RB1: variants seen among roughly 807,000 people sequenced by gnomAD.
The protein encoded by RB1 is RB transcriptional corepressor 1.
Under a neutral mutation model 135.4 loss-of-function variants are expected in RB1, and 18 were observed. That is an observed-to-expected ratio of 0.13 (90% CI 0.09 to 0.20). The LOEUF (loss-of-function observed/expected upper bound fraction) is 0.20. Ranked by LOEUF, RB1 falls within the 10% of genes least tolerant of loss-of-function variation. RB1 has a pLI of 1.00. For synonymous variants in RB1, 365 were observed against 373.2 expected (o/e 0.98, Z 0.25); for missense variants, 868 against 1,110.0 (o/e 0.78, Z 3.10).
intron 4 of RB1, 115 bp downstream of exon 4, chr13:48,345,314 C>G (rs1263428979): frequency 2.5e-6 from 3 of 1,222,876 alleles, no homozygotes; most frequent in Non-Finnish European, 3.5e-6. Flanking sequence ...AATTCTTAGA[C>G]TTGTCCCTTT....
At chr13:48,477,997 G>A (rs150697770) in intron 26 of RB1, among the ~76,000 whole-genome samples, 158 of 152,322 alleles carry the variant, frequency 1.0e-3, no homozygotes, top group African/African-American at 3.6e-3. Context: ...TCCAAGGATA[G>A]TAGATGGAAA....
intron 23 of RB1, among the ~76,000 whole-genome samples, chr13:48,471,379 G>A (rs1489319926): frequency 1.3e-5 from 1 of 78,886 alleles, no homozygotes; most frequent in African/African-American, 4.6e-5. Flanking sequence ...ATGGACACAG[G>A]AAGGGGAATA....
At chr13:48,320,291 C>G in intron 2 of RB1, 1 of 1,226,130 alleles carries the variant, frequency 8.2e-7, no homozygotes, top group Non-Finnish European at 1.2e-6. Context: ...TCGGTGGTGC[C>G]CCGAGCAACC....
intron 17 of RB1, among the ~76,000 whole-genome samples, chr13:48,440,029 G>T (rs1949221724): frequency 1.3e-5 from 2 of 152,046 alleles, no homozygotes; most frequent in Non-Finnish European, 1.5e-5. Flanking sequence ...CAGGAATAGG[G>T]TAGGAAGGAG....
rs180742027 is a variant in RB1, at chr13:48,452,986, C to T, written c.1696-7C>T. On this transcript the variant is annotated splice_polypyrimidine_tract_variant and splice_region_variant and intron_variant, in intron 17 of 26. Transcript: ENST00000267163. ...ATGTGGTTTTAATTTCATCATGTTTCATATAGGATTCACCTTTATTTGATC... is the reference window on the plus strand; with the variant it reads ...ATGTGGTTTTAATTTCATCATGTTTTATATAGGATTCACCTTTATTTGATC... 5.6e-6 allele frequency: 9 copies of T among 1,611,922 alleles called. No individual in the cohort carries two copies. The highest frequency in any genetic ancestry group is 4.5e-5 in the East Asian group (2 of 44,782).
At chr13:48,466,393 C>T (rs1169626873) in intron 23 of RB1, among the ~76,000 whole-genome samples, 7 of 91,076 alleles carry the variant, frequency 7.7e-5, no homozygotes, top group African/African-American at 1.4e-4. Context: ...ACATCTACAC[C>T]GAAAACCCAT....
At chr13:48,322,306 G>T (rs1952249460) in intron 2 of RB1, among the ~76,000 whole-genome samples, 1 of 152,056 alleles carries the variant, frequency 6.6e-6, no homozygotes, top group African/African-American at 2.4e-5. Context: ...CTTCTCTGTT[G>T]ACAGACACAT....
At chr13:48,464,897 A>T in intron 21 of RB1, 101 bp from the exon 22 acceptor site, 1 of 1,316,354 alleles carries the variant, frequency 7.6e-7, no homozygotes, top group Non-Finnish European at 1.0e-6. Flanking sequence ...AGTATTATAA[A>T]CTATTAGAAA....
intron 9 of RB1, 97 bp downstream of exon 9, chr13:48,365,068 A>T (rs1017160636): frequency 2.8e-5 from 35 of 1,242,428 alleles, no homozygotes; most frequent in Non-Finnish European, 2.1e-6. Context: ...TGTGTATCAC[A>T]TTTTTTTTTT....
At chr13:48,315,916 C>T (rs1952177728) in intron 2 of RB1, among the ~76,000 whole-genome samples, 1 of 152,196 alleles carries the variant, frequency 6.6e-6, no homozygotes, top group African/African-American at 2.4e-5. Flanking sequence ...TTTGAGAAAT[C>T]CTCACACTGT....
chr13:48,306,547 A>G (rs1229709090), intron 1 of RB1, among the ~76,000 whole-genome samples: 1 of 152,206 alleles, frequency 6.6e-6, no homozygotes, highest in Non-Finnish European at 1.5e-5. Context: ...ACCTCAGGTA[A>G]GTTCTTTAAC....
intron 17 of RB1, among the ~76,000 whole-genome samples, chr13:48,451,561 G>A (rs1370630602): frequency 1.3e-5 from 2 of 152,152 alleles, no homozygotes; most frequent in Non-Finnish European, 2.9e-5. Flanking sequence ...GTTCATCAGA[G>A]ATATTGGCCT....
chr13:48,387,930 A>C (rs1055694181), intron 17 of RB1, among the ~76,000 whole-genome samples: 1 of 152,118 alleles, frequency 6.6e-6, no homozygotes, highest in East Asian at 1.9e-4. Context: ...TCACACAACC[A>C]TGTTTGTTTT....
At chr13:48,321,748 C>T (rs1952243710) in intron 2 of RB1, among the ~76,000 whole-genome samples, 1 of 152,068 alleles carries the variant, frequency 6.6e-6, no homozygotes, top group Admixed American at 6.5e-5. Context: ...CCCAGCTACT[C>T]TCGAGACTGA....
intron 17 of RB1, among the ~76,000 whole-genome samples, chr13:48,390,410 C>A (rs902930700): frequency 1.3e-5 from 2 of 151,968 alleles, no homozygotes; most frequent in African/African-American, 4.8e-5. Flanking sequence ...GCATGAGGAT[C>A]CTGGCCAAGG....
intron 1 of RB1, among the ~76,000 whole-genome samples, chr13:48,305,185 A>G (rs906422981): frequency 2.0e-5 from 3 of 152,178 alleles, no homozygotes; most frequent in East Asian, 1.9e-4. Flanking sequence ...ATTCTTGTCT[A>G]TCACCAAATC....
rs1566178161 is a variant in RB1, at chr13:48,317,166, G to C, written c.264+9760G>C. The stretch of plus-strand genomic sequence containing the variant: ...GGCCTCCCTGAAGGCAGAGAAGGAC[G>C]GGCCCTGTGGAGGCAGCCCCATGTC... On this transcript the variant is annotated intron_variant, in intron 2 of 26. Transcript: ENST00000267163. 9 of 681,858 alleles carry C rather than the reference G, an allele frequency of 1.3e-5. 1 individual carries two copies. In the East Asian group the frequency reaches 3.8e-4, roughly 29 times the overall value. 42.2% of individuals were successfully genotyped at this position (681,858 alleles called of 1,614,324 possible). A position where few individuals can be genotyped will look rare whatever the true frequency, so the allele number is the denominator to read the frequency against.
chr13:48,463,642 T>C, intron 20 of RB1, 89 bp from the exon 21 acceptor site: 1 of 872,048 alleles, frequency 1.1e-6, no homozygotes, highest in Non-Finnish European at 1.9e-6. Flanking sequence ...ACCTTTCTTT[T>C]TTGAGGCTAA....
chr13:48,384,106 T>C (rs965310475), intron 17 of RB1, among the ~76,000 whole-genome samples: 1 of 152,120 alleles, frequency 6.6e-6, no homozygotes. Context: ...TATTCCTTTA[T>C]TTTTGAGAAT....
Sources: gnomAD v4.1 joint callset for allele counts (sites outside exome capture counted in the v4.1 genomes callset) on GRCh38, gnomAD v4.1.1 for gene constraint, MANE v1.5 for transcripts, NCBI Gene and HGNC (gene_info 2026-07-23, HGNC 2026-07-21) for gene names.